RAP1GDS1: variants seen among roughly 807,000 people sequenced by gnomAD.
RAP1GDS1 encodes the protein Rap1 GTPase-GDP dissociation stimulator 1, also known as RAP1, GTP-GDP dissociation stimulator 1.
In RAP1GDS1, 35 loss-of-function variants were observed where a neutral mutation model predicts 71.1. That is an observed-to-expected ratio of 0.49 (90% CI 0.38 to 0.65). The LOEUF is 0.65. RAP1GDS1 is among the 30% of genes least tolerant of loss of function. The pLI is 0.00. For synonymous variants in RAP1GDS1, 229 were observed against 243.1 expected (o/e 0.94, Z 0.54); for missense variants, 663 against 706.1 (o/e 0.94, Z 0.69).
intron 11 of RAP1GDS1, among the ~76,000 whole-genome samples, chr4:98,420,963 T>C (rs1748768810): frequency 1.3e-5 from 2 of 152,228 alleles, no homozygotes; most frequent in South Asian, 4.1e-4. Flanking sequence ...CTATATTGAT[T>C]GCATAGAGTC....
intron 2 of RAP1GDS1, among the ~76,000 whole-genome samples, chr4:98,308,455 A>G (rs1266811707): frequency 2.0e-5 from 3 of 150,708 alleles, no homozygotes; most frequent in African/African-American, 7.3e-5. Context: ...ACGTGACAGA[A>G]CAAGACCCTG....
At chr4:98,327,130 A>G (rs4699622) in intron 2 of RAP1GDS1, among the ~76,000 whole-genome samples, 21,183 of 152,030 alleles carry the variant, frequency 0.14, 2,122 homozygotes, top group African/African-American at 0.28. Flanking sequence ...ATCCTAACTG[A>G]TATATACAAA....
At chr4:98,346,586 C>G (rs1295580762) in intron 3 of RAP1GDS1, among the ~76,000 whole-genome samples, 1 of 151,646 alleles carries the variant, frequency 6.6e-6, no homozygotes, top group Admixed American at 6.6e-5. Flanking sequence ...AGGGAGTCGC[C>G]CAGGCTGGAG....
intron 2 of RAP1GDS1, among the ~76,000 whole-genome samples, chr4:98,311,103 T>C (rs1400571962): frequency 6.6e-6 from 1 of 152,202 alleles, no homozygotes; most frequent in Non-Finnish European, 1.5e-5. Context: ...AGGATGCCAA[T>C]ATGCTAATTT....
intron 1 of RAP1GDS1, among the ~76,000 whole-genome samples, chr4:98,289,961 AGATAGTTAT>A (rs1373648142): frequency 6.6e-6 from 1 of 151,986 alleles, no homozygotes; most frequent in African/African-American, 2.4e-5. Context: ...CTTTGTTACT[AGATAGTTAT>A]GTGAAAATAA....
chr4:98,271,876 G>A (rs1442276138), intron 1 of RAP1GDS1, among the ~76,000 whole-genome samples: 1 of 151,984 alleles, frequency 6.6e-6, no homozygotes, highest in East Asian at 1.9e-4. Flanking sequence ...TTATCCAAGG[G>A]GACAACTAAC....
chr4:98,416,731 A>G lies in RAP1GDS1; in HGVS notation c.764-14A>G, dbSNP rs761041002. 1 of 1,580,628 alleles carries G rather than the reference A, an allele frequency of 6.3e-7. No individual in the cohort carries two copies. The highest frequency in any genetic ancestry group is 1.1e-5 in the South Asian group (1 of 89,900). On this transcript the variant is annotated splice_polypyrimidine_tract_variant and intron_variant, in intron 7 of 14. Coordinates refer to ENST00000408927, the MANE Select transcript of RAP1GDS1 (RefSeq NM_001100427.2). The stretch of plus-strand genomic sequence containing the variant: ...ATCTCAAAGTTTGATTATTTTGTTC[A>G]CGTTGTTCTTTAGATGCTATTAAAC...
intron 2 of RAP1GDS1, among the ~76,000 whole-genome samples, chr4:98,340,702 T>A (rs1417875594): frequency 6.6e-6 from 1 of 151,964 alleles, no homozygotes; most frequent in Non-Finnish European, 1.5e-5. Flanking sequence ...TGAGCTGAGA[T>A]CACACCACTT....
Position 98,420,038 on chromosome 4 carries a change from G to T in RAP1GDS1, c.1194G>T (p.Met398Ile). 1 of 1,600,138 alleles carries T rather than the reference G, an allele frequency of 6.2e-7. No homozygotes were observed. The highest frequency in any genetic ancestry group is 8.5e-7 in the Non-Finnish European group (1 of 1,173,118). Residue 398 changes from methionine (M) to isoleucine (I), a missense_variant, in exon 11 of 15, where the codon ATG (methionine) becomes ATT (isoleucine). Physicochemically the swap from Met to Ile is conservative, Grantham distance 10. Transcript: ENST00000408927. ...LAIPVINKAK[M>I]LSAGVTEAVL... ...CTCCAGTTATAAATAAAGCAAAGAT[G>T]TTATCAGCTGGGGTCACAGAGGCAG...
intron 7 of RAP1GDS1, among the ~76,000 whole-genome samples, chr4:98,412,060 CA>C (rs1406361177): frequency 6.6e-6 from 1 of 152,128 alleles, no homozygotes; most frequent in East Asian, 1.9e-4. Context: ...CAAATTTTAA[CA>C]CATTAAAATT....
intron 2 of RAP1GDS1, among the ~76,000 whole-genome samples, chr4:98,317,876 C>G (rs1351268112): frequency 7.0e-6 from 1 of 143,328 alleles, no homozygotes; most frequent in Non-Finnish European, 1.5e-5. Flanking sequence ...GAATCTTGCT[C>G]TGTCGCCCAG....
chr4:98,334,195 T>C (rs1038394247), intron 2 of RAP1GDS1, among the ~76,000 whole-genome samples: 1 of 152,104 alleles, frequency 6.6e-6, no homozygotes, highest in Non-Finnish European at 1.5e-5. Context: ...GATTTTACTA[T>C]GTAGACATAA....
intron 2 of RAP1GDS1, among the ~76,000 whole-genome samples, chr4:98,330,551 G>A (rs555086224): frequency 1.4e-3 from 211 of 151,252 alleles, no homozygotes; most frequent in African/African-American, 4.3e-3. Flanking sequence ...CAGACGGGGC[G>A]GCCGGACAGA....
intron 7 of RAP1GDS1, among the ~76,000 whole-genome samples, chr4:98,406,105 G>GT (rs1746076414): frequency 6.6e-6 from 1 of 151,886 alleles, no homozygotes; most frequent in African/African-American, 2.4e-5. Context: ...TTATGGAAAG[G>GT]TTTTTTAATA....
intron 6 of RAP1GDS1, among the ~76,000 whole-genome samples, chr4:98,398,390 A>G (rs1744867562): frequency 6.6e-6 from 1 of 152,182 alleles, no homozygotes; most frequent in East Asian, 1.9e-4. Flanking sequence ...GTCCTAAGGA[A>G]TGAAAATACA....
chr4:98,274,383 TA>T (rs1473287948), intron 1 of RAP1GDS1, among the ~76,000 whole-genome samples: 2 of 152,204 alleles, frequency 1.3e-5, no homozygotes, highest in Admixed American at 6.5e-5. Context: ...TCTGTGAGAA[TA>T]AATGAAGTTC....
intron 6 of RAP1GDS1, among the ~76,000 whole-genome samples, chr4:98,397,904 T>C (rs1744785835): frequency 6.6e-6 from 1 of 152,142 alleles, no homozygotes; most frequent in South Asian, 2.1e-4. Flanking sequence ...TATTGCCCCA[T>C]TTGTCTCCCA....
At chr4:98,327,052 A>C (rs1420911116) in intron 2 of RAP1GDS1, among the ~76,000 whole-genome samples, 2 of 152,200 alleles carry the variant, frequency 1.3e-5, no homozygotes, top group Non-Finnish European at 2.9e-5. Flanking sequence ...CTTTACAATG[A>C]TGTGATCTCT....
intron 11 of RAP1GDS1, 94 bp downstream of exon 11, chr4:98,420,238 A>G: frequency 2.5e-6 from 3 of 1,190,896 alleles, no homozygotes; most frequent in Non-Finnish European, 3.3e-6. Context: ...TTTTAGGATT[A>G]TGTAATCATA....
Sources: allele counts gnomAD v4.1 joint callset (sites outside exome capture counted in the v4.1 genomes callset), GRCh38; gene constraint gnomAD v4.1.1; transcripts MANE v1.5; gene names NCBI Gene and HGNC (gene_info 2026-07-23, HGNC 2026-07-21).